Variants in PRSS55 observed in about 807,000 individuals in gnomAD.
PRSS55 encodes the protein probable serine protease UNQ9391/PRO34284.
In PRSS55, 41 loss-of-function variants were observed where a neutral mutation model predicts 23.6. The observed-to-expected ratio is 1.74, with a 90% CI of 1.35 to 2.26. PRSS55 has a LOEUF of 2.26. PRSS55 is among the 30% of genes most tolerant of loss of function. The pLI, the probability that PRSS55 is intolerant of heterozygous loss-of-function variation, is 0.00. For synonymous variants in PRSS55, 262 were observed against 175.5 expected, an observed-to-expected ratio of 1.49 and a Z score of -3.90; for missense variants, 669 against 439.1, an observed-to-expected ratio of 1.52 and a Z score of -4.68.
intron 4 of PRSS55, among the ~76,000 whole-genome samples, chr8:10,547,258 G>C (rs1215697187): frequency 4.6e-5 from 7 of 152,154 alleles, no homozygotes; most frequent in African/African-American, 1.7e-4. Flanking sequence ...TGCGCCAGCC[G>C]GTGGCCTCTG....
At chr8:10,526,550 C>T (rs968147851) in intron 1 of PRSS55, among the ~76,000 whole-genome samples, 34 of 152,340 alleles carry the variant, frequency 2.2e-4, no homozygotes, top group South Asian at 2.1e-4. Flanking sequence ...TCCTCTAATG[C>T]GTGATCGCTC....
downstream of PRSS55, among the ~76,000 whole-genome samples, chr8:10,543,445 A>ATCCT (rs1197210811): frequency 0.12 from 2,922 of 24,702 alleles, 197 homozygotes; most frequent in African/African-American, 0.18. Flanking sequence ...CCTTCCTTCC[A>ATCCT]TCCTTCCTTC....
chr8:10,525,762 C>A (rs1231090772), intron 1 of PRSS55, 23 bp downstream of exon 1: 11 of 1,569,086 alleles, frequency 7.0e-6, no homozygotes, highest in Non-Finnish European at 8.7e-6. Context: ...GCAGAAGGGG[C>A]ATGGATGGGG....
intron 3 of PRSS55, among the ~76,000 whole-genome samples, chr8:10,532,568 G>T (rs1178420159): frequency 2.0e-5 from 3 of 152,192 alleles, no homozygotes; most frequent in African/African-American, 7.2e-5. Flanking sequence ...GTCACAATAG[G>T]CAAATGTATT....
At chr8:10,531,272 C>T (rs747007009) in intron 2 of PRSS55, 23 bp from the exon 3 acceptor site, 10 of 1,611,448 alleles carry the variant, frequency 6.2e-6, no homozygotes, top group Non-Finnish European at 7.6e-6. Flanking sequence ...TCCACTTGCC[C>T]CTCTCTGGTT....
intron 4 of PRSS55, among the ~76,000 whole-genome samples, chr8:10,537,190 A>G (rs1812486039): frequency 6.6e-6 from 1 of 152,244 alleles, no homozygotes; most frequent in African/African-American, 2.4e-5. Context: ...TTTTTATAGG[A>G]GCACTATTCA....
rs770975510 is a variant in PRSS55 at position 10,531,541 on chromosome 8, T to G, written c.594T>G (p.Asn198Lys). 12 of 1,613,398 alleles carry G rather than the reference T, an allele frequency of 7.4e-6. No homozygotes were observed. In the East Asian group the frequency reaches 2.2e-4, roughly 30 times the overall value. The change falls in exon 3 of 5, where the codon AAT (asparagine) becomes AAG (lysine). Residue 198 changes from asparagine (N) to lysine (K), a missense_variant. Asn to Lys is a moderately conservative substitution (Grantham distance 94). Transcript: ENST00000328655. ...ECWVAGWGQT[N>K]AADKNSVKTD... Reference sequence around the variant, plus strand: ...GGGTGGCAGGTTGGGGCCAGACCAATGCTGGTATGTGACTGCTCAGCTTCC... The same window carrying G: ...GGGTGGCAGGTTGGGGCCAGACCAAGGCTGGTATGTGACTGCTCAGCTTCC...
intron 1 of PRSS55, 141 bp downstream of exon 1, chr8:10,525,880 C>A: frequency 1.1e-6 from 1 of 911,300 alleles, no homozygotes; most frequent in Non-Finnish European, 1.6e-6. Flanking sequence ...TCCTTTCTCT[C>A]CTCTCTCCCC....
chr8:10,545,340 A>G (rs7846614), intron 4 of PRSS55: 144,269 of 152,170 alleles, frequency 0.95, 68,851 homozygotes, highest in East Asian at 1. Context: ...TGGGACCACA[A>G]GTGTGCACCA....
downstream of PRSS55, among the ~76,000 whole-genome samples, chr8:10,542,420 A>AAG (rs1166442336): frequency 0.037 from 1,355 of 36,866 alleles, 27 homozygotes; most frequent in African/African-American, 0.082. Context: ...CATGCGGGGG[A>AAG]AAAAAAAAAA....
intron 1 of PRSS55, among the ~76,000 whole-genome samples, chr8:10,528,801 G>A (rs1053847095): frequency 6.6e-6 from 1 of 152,224 alleles, no homozygotes; most frequent in African/African-American, 2.4e-5. Context: ...GGGTGCAGCA[G>A]GTCTGCGTTC....
At chr8:10,530,391 C>T (rs1406141503) in intron 2 of PRSS55, among the ~76,000 whole-genome samples, 1 of 152,260 alleles carries the variant, frequency 6.6e-6, no homozygotes, top group East Asian at 1.9e-4. Context: ...AGGAGAGTTG[C>T]TTGAACCCAG....
At position 10,531,456 on chromosome 8, in the gene PRSS55, ACCTGAAGGTG is replaced by A; in HGVS notation, c.512_521del (p.Leu171ProfsTer32). ...CTGGCTTCGCCCATCAAGCTCGATG[ACCTGAAGGTG>A]CCCATCTGCCTCCCCACGCAGCCCG... On this transcript the variant is annotated frameshift_variant, in exon 3 of 5. Coordinates refer to ENST00000328655, the MANE Select transcript of PRSS55 (RefSeq NM_198464.4). LOFTEE classifies it high-confidence loss of function. The A allele has an allele frequency of 6.2e-7, 1 of 1,614,174 alleles. No homozygotes were observed. The highest frequency in any genetic ancestry group is 8.5e-7 in the Non-Finnish European group (1 of 1,180,058).
intron 4 of PRSS55, among the ~76,000 whole-genome samples, chr8:10,553,641 G>A (rs113639384): frequency 0.014 from 2,157 of 152,270 alleles, 39 homozygotes; most frequent in African/African-American, 0.047. Context: ...TATGAGACCC[G>A]GAGGGGGAAA....
At chr8:10,536,623 T>G (rs11250027) in intron 4 of PRSS55, among the ~76,000 whole-genome samples, 1 of 151,880 alleles carries the variant, frequency 6.6e-6, no homozygotes, top group Non-Finnish European at 1.5e-5. Context: ...CTACATGTCC[T>G]TCGATGGTGA....
chr8:10,544,992 GCT>G (rs1812780085), intron 4 of PRSS55: 1 of 984,888 alleles, frequency 1.0e-6, no homozygotes, highest in Non-Finnish European at 1.2e-6. Flanking sequence ...CTGACTGTGT[GCT>G]CTGTTGACCC....
intron 4 of PRSS55, among the ~76,000 whole-genome samples, chr8:10,549,612 CCAGGAGCT>C (rs1331029421): frequency 2.6e-5 from 4 of 152,258 alleles, no homozygotes; most frequent in South Asian, 2.1e-4. Flanking sequence ...AAACAAGGCC[CCAGGAGCT>C]CAGCCCACCT....
chr8:10,543,196 C>T (rs1221307038), downstream of PRSS55, among the ~76,000 whole-genome samples: 1 of 152,090 alleles, frequency 6.6e-6, no homozygotes, highest in Non-Finnish European at 1.5e-5. Flanking sequence ...CCCAGAACTT[C>T]ACCTGGGACA....
intron 3 of PRSS55, among the ~76,000 whole-genome samples, chr8:10,532,398 T>C (rs1812300807): frequency 6.6e-6 from 1 of 152,178 alleles, no homozygotes; most frequent in South Asian, 2.1e-4. Flanking sequence ...ATTCCCGGCA[T>C]CTGGCGGCCC....
Sources: gnomAD v4.1 joint callset for allele counts (sites outside exome capture counted in the v4.1 genomes callset) on GRCh38, gnomAD v4.1.1 for gene constraint, MANE v1.5 for transcripts, NCBI Gene and HGNC (gene_info 2026-07-23, HGNC 2026-07-21) for gene names.